RBFOX1: variants seen among roughly 807,000 people sequenced by gnomAD.
RBFOX1 encodes the protein RNA binding protein fox-1 homolog 1.
Under a neutral mutation model 57.7 loss-of-function variants are expected in RBFOX1, and 8 were observed. The observed-to-expected ratio is 0.14, with a 90% CI of 0.08 to 0.25. The LOEUF (loss-of-function observed/expected upper bound fraction) is 0.25. Ranked by LOEUF, RBFOX1 falls within the 10% of genes least tolerant of loss-of-function variation. RBFOX1 has a pLI of 1.00. For synonymous variants in RBFOX1, 326 were observed against 222.4 expected (o/e 1.47, Z -4.15); for missense variants, 611 against 548.5 (o/e 1.11, Z -1.14).
At chr16:6,658,920 GTTTTTTGGTTTTTTTGT>G (rs748488499) in intron 3 of RBFOX1, among the ~76,000 whole-genome samples, 8 of 88,378 alleles carry the variant, frequency 9.1e-5, no homozygotes, top group African/African-American at 2.3e-4. Context: ...TTGTTTTTTT[GTTTTTTGGTTTTTTTGT>G]TTTTTTTGTT....
chr16:5,781,603 C>T (rs1051924828), intron 3 of RBFOX1, among the ~76,000 whole-genome samples: 2 of 152,238 alleles, frequency 1.3e-5, no homozygotes, highest in African/African-American at 2.4e-5. Context: ...CAACCATCAA[C>T]TGTCTTATAG....
chr16:5,727,623 C>G (rs527682628), intron 3 of RBFOX1, among the ~76,000 whole-genome samples: 2 of 152,298 alleles, frequency 1.3e-5, no homozygotes, highest in South Asian at 2.1e-4. Context: ...AGACCAATAT[C>G]TCCCCATTTA....
chr16:6,983,125 C>G (rs1338122230), intron 3 of RBFOX1, among the ~76,000 whole-genome samples: 1 of 150,852 alleles, frequency 6.6e-6, no homozygotes, highest in African/African-American at 2.4e-5. Context: ...GATACCAAAA[C>G]TCTTAGCTGT....
intron 3 of RBFOX1, among the ~76,000 whole-genome samples, chr16:6,897,169 G>T (rs907974501): frequency 6.6e-6 from 1 of 152,186 alleles, no homozygotes; most frequent in African/African-American, 2.4e-5. Context: ...AGCGGCTGTA[G>T]AGTAGAGATT....
chr16:6,845,448 A>T (rs547239758), intron 3 of RBFOX1, among the ~76,000 whole-genome samples: 33 of 152,074 alleles, frequency 2.2e-4, no homozygotes, highest in African/African-American at 6.3e-4. Flanking sequence ...TCCTTTCCCC[A>T]TTGCTTGTTT....
At chr16:5,775,113 T>C (rs989129887) in intron 3 of RBFOX1, among the ~76,000 whole-genome samples, 3 of 152,234 alleles carry the variant, frequency 2.0e-5, no homozygotes, top group Non-Finnish European at 1.5e-5. Context: ...CCTTGAGTGA[T>C]GGTGTAGACA....
chr16:6,184,699 A>T (rs1440402815), intron 1 of RBFOX1, among the ~76,000 whole-genome samples: 2 of 150,930 alleles, frequency 1.3e-5, no homozygotes, highest in Non-Finnish European at 2.9e-5. Flanking sequence ...AGCTGGGATT[A>T]CAGGTGGCTG....
At chr16:6,554,773 G>C in intron 2 of RBFOX1, among the ~76,000 whole-genome samples, 1 of 149,818 alleles carries the variant, frequency 6.7e-6, no homozygotes, top group Non-Finnish European at 1.5e-5. Context: ...CACACACAAA[G>C]GTACACAGAC....
chr16:7,254,984 T>G (rs189477084), intron 4 of RBFOX1, among the ~76,000 whole-genome samples: 2 of 152,172 alleles, frequency 1.3e-5, no homozygotes, highest in African/African-American at 4.8e-5. Context: ...TTCCACAGTT[T>G]TCTTGAGTTT....
At chr16:7,625,912 A>G (rs1362655715) in intron 10 of RBFOX1, among the ~76,000 whole-genome samples, 1 of 152,226 alleles carries the variant, frequency 6.6e-6, no homozygotes. Context: ...TCATGAGGAT[A>G]GGAAGATAAA....
chr16:7,503,320 A>G (rs1233520524), intron 4 of RBFOX1, among the ~76,000 whole-genome samples: 14 of 152,180 alleles, frequency 9.2e-5, no homozygotes. Context: ...TTGTATGTAT[A>G]AGGACTTCCT....
At chr16:7,196,844 A>G (rs965066271) in intron 4 of RBFOX1, among the ~76,000 whole-genome samples, 2 of 152,182 alleles carry the variant, frequency 1.3e-5, no homozygotes, top group Non-Finnish European at 2.9e-5. Context: ...AGAGGACAGC[A>G]TGTGCAAAGG....
chr16:7,068,044 C>T (rs1404234445), intron 4 of RBFOX1, among the ~76,000 whole-genome samples: 16 of 149,768 alleles, frequency 1.1e-4, no homozygotes, highest in Admixed American at 6.7e-4. Context: ...TTGACTCTCT[C>T]GTGCCTCTTC....
At chr16:7,520,022 A>T (rs1000426928) in intron 5 of RBFOX1, among the ~76,000 whole-genome samples, 4 of 152,036 alleles carry the variant, frequency 2.6e-5, no homozygotes, top group African/African-American at 9.7e-5. Flanking sequence ...AGTAGCTGGG[A>T]CTACAGGCAC....
intron 2 of RBFOX1, among the ~76,000 whole-genome samples, chr16:6,397,217 C>T (rs1378591638): frequency 2.0e-5 from 3 of 152,098 alleles, no homozygotes; most frequent in Non-Finnish European, 4.4e-5. Context: ...AAGACAAGCA[C>T]ACCTAGTATG....
At chr16:6,455,753 A>G (rs1320341244) in intron 2 of RBFOX1, among the ~76,000 whole-genome samples, 2 of 152,152 alleles carry the variant, frequency 1.3e-5, no homozygotes, top group African/African-American at 2.4e-5. Context: ...TAATGACCGT[A>G]TTTGCTTTTA....
chr16:7,576,215 C>T (rs2093327549), intron 5 of RBFOX1, among the ~76,000 whole-genome samples: 1 of 152,082 alleles, frequency 6.6e-6, no homozygotes, highest in Non-Finnish European at 1.5e-5. Context: ...TGAGCCACTG[C>T]ACCTAGCCCC....
intron 3 of RBFOX1, among the ~76,000 whole-genome samples, chr16:5,750,988 G>A (rs1215574726): frequency 1.3e-5 from 2 of 152,070 alleles, no homozygotes; most frequent in Non-Finnish European, 1.5e-5. Flanking sequence ...GTTCCTATTC[G>A]GCAATCTTGG....
At chr16:5,342,717 C>G (rs2065058406) in intron 1 of RBFOX1, among the ~76,000 whole-genome samples, 1 of 152,164 alleles carries the variant, frequency 6.6e-6, no homozygotes, top group Non-Finnish European at 1.5e-5. Flanking sequence ...ACCTGTACCC[C>G]AAAGCTCATT....
Sources: allele counts gnomAD v4.1 joint callset (sites outside exome capture counted in the v4.1 genomes callset), GRCh38; gene constraint gnomAD v4.1.1; transcripts MANE v1.5; gene names NCBI Gene and HGNC (gene_info 2026-07-23, HGNC 2026-07-21).